USP9Y: variants seen among roughly 807,000 people sequenced by gnomAD.
USP9Y encodes ubiquitin carboxyl-terminal hydrolase 9Y.
Under a neutral mutation model 53.1 loss-of-function variants are expected in USP9Y, and 41 were observed. The observed-to-expected ratio is 0.77, with a 90% confidence interval of 0.60 to 1.00. The LOEUF (loss-of-function observed/expected upper bound fraction) is 1.00, where lower values mean the gene tolerates loss of function less well. Ranked by LOEUF, USP9Y falls within the 50% of genes least tolerant of loss-of-function variation. The pLI is 0.00. For synonymous variants in USP9Y, 220 were observed against 173.7 expected (o/e 1.27, Z -2.09); for missense variants, 567 against 535.8 (o/e 1.06, Z -0.58).
In USP9Y at chrY:12,847,312, C is replaced by G. The variant is rs756992167; in HGVS notation, c.7049C>G (p.Ser2350Cys). The G allele has an allele frequency of 2.6e-6, 1 of 386,005 alleles. No homozygotes were observed. Among genetic ancestry groups the G allele is most frequent in the Non-Finnish European group, 3.7e-6 (1 of 273,825 alleles). The part of the protein sequence containing the change: ...LLFQILLIED[S>C]WQTHRIHNAL... ...TTCCAAATTTTACTGATTGAGGACT[C>G]CTGGCAGACTCACAGGTGAATACCC... Residue 2350 changes from serine (S) to cysteine (C), a missense_variant, in exon 42 of 46, where the codon TCC becomes TGC. By Grantham distance (112) the Ser-to-Cys change is moderately radical (BLOSUM62 -1). Coordinates refer to ENST00000338981, the MANE Select transcript of USP9Y (RefSeq NM_004654.4).
intron 22 of USP9Y, among the ~76,000 whole-genome samples, chrY:12,784,744 A>C: frequency 3.0e-5 from 1 of 33,572 alleles, no homozygotes; most frequent in South Asian, 6.5e-4. Flanking sequence ...CTGCTGTATC[A>C]TTCTTTCCTC....
intron 19 of USP9Y, among the ~76,000 whole-genome samples, 180 bp from the exon 20 acceptor site, chrY:12,777,838 AC>A (rs2053494047): frequency 6.0e-5 from 2 of 33,169 alleles, no homozygotes; most frequent in Non-Finnish European, 1.5e-4. Flanking sequence ...ATGTTTGTTC[AC>A]TGTTTAAAAG....
intron 44 of USP9Y, 81 bp from the exon 45 acceptor site, chrY:12,857,485 T>C: frequency 3.9e-6 from 1 of 256,214 alleles, no homozygotes; most frequent in East Asian, 1.1e-4. Flanking sequence ...TAAAAGTTTA[T>C]TCTAAATGAA....
At chrY:12,787,847 A>C in intron 24 of USP9Y, among the ~76,000 whole-genome samples, 3 of 33,386 alleles carry the variant, frequency 9.0e-5, no homozygotes, top group Admixed American at 8.2e-4. Context: ...AGTTTACTGA[A>C]ATACAAACAA....
intron 24 of USP9Y, among the ~76,000 whole-genome samples, chrY:12,787,268 T>G (rs552105397): frequency 3.0e-3 from 104 of 34,190 alleles, no homozygotes; most frequent in African/African-American, 0.011. Flanking sequence ...ATGCAAAAGA[T>G]GAATTCAGTT....
Position 12,760,526 on chromosome Y carries a change from A to G in USP9Y, c.1809A>G (p.Leu603=). The G allele has an allele frequency of 2.5e-6, 1 of 398,377 alleles. No homozygotes were observed. ...CCCACATATTTTATCGCCATGATTT[A>G]ATCAACCAGCTTCAACAAAATCATG... ...RSPHIFYRHD[L]INQLQQNHAL... is the part of the protein sequence containing the mutation. The change falls in exon 15 of 46, where the codon TTA becomes TTG. Residue 603 remains leucine (L), a synonymous_variant. Transcript: ENST00000338981.
intron 1 of USP9Y, among the ~76,000 whole-genome samples, chrY:12,708,013 C>A (rs2053421029): frequency 3.0e-5 from 1 of 33,236 alleles, no homozygotes; most frequent in African/African-American, 1.2e-4. Context: ...GCTGGGATTA[C>A]AGGCGTGAGC....
At chrY:12,771,268 G>C in intron 16 of USP9Y, 113 bp downstream of exon 16, 1 of 183,003 alleles carries the variant, frequency 5.5e-6, no homozygotes, top group Non-Finnish European at 1.0e-5. Context: ...CTGTCATTCA[G>C]GCTCAAGTGC....
chrY:12,842,305 T>G lies in USP9Y; in HGVS notation c.6278T>G (p.Val2093Gly). Residue 2093 changes from valine (V) to glycine (G), a missense_variant, in exon 38 of 46, where the codon GTC becomes GGC. Transcript: ENST00000338981. ...GTACGTTTTTGGTTTACTCATAATG[T>G]CCTTTTTAATGTATCAAATCGCTTC... ...KNVRFWFTHN[V>G]LFNVSNRFSE... 4 of 398,406 alleles carry G rather than the reference T, an allele frequency of 1.0e-5. No individual in the cohort carries two copies. Among genetic ancestry groups the G allele is most frequent in the Non-Finnish European group, 1.4e-5 (4 of 283,374 alleles).
At chrY:12,827,764 A>G (rs2053547595) in intron 33 of USP9Y, among the ~76,000 whole-genome samples, 2 of 32,527 alleles carry the variant, frequency 6.1e-5, no homozygotes, top group African/African-American at 2.4e-4. Context: ...GGAGTTTGAG[A>G]CCAACCTGGC....
intron 33 of USP9Y, among the ~76,000 whole-genome samples, chrY:12,818,932 C>A (rs2053538662): frequency 6.0e-5 from 2 of 33,535 alleles, no homozygotes; most frequent in African/African-American, 2.3e-4. Context: ...GTAATCCCAG[C>A]CCTTTTGGAG....
intron 44 of USP9Y, chrY:12,857,114 G>T (rs768700840): frequency 8.2e-4 from 76 of 93,168 alleles, no homozygotes; most frequent in Non-Finnish European, 1.3e-3. Flanking sequence ...GTTTGCTTTT[G>T]CTTTTTCTTT....
At chrY:12,820,793 A>G (rs1022540392) in intron 33 of USP9Y, among the ~76,000 whole-genome samples, 1 of 33,677 alleles carries the variant, frequency 3.0e-5, no homozygotes, top group Admixed American at 2.8e-4. Context: ...ATAATTATAT[A>G]CATTATAGAG....
chrY:12,804,247 C>T, intron 27 of USP9Y, among the ~76,000 whole-genome samples: 7 of 33,600 alleles, frequency 2.1e-4, no homozygotes, highest in Non-Finnish European at 7.3e-5. Flanking sequence ...CAGTAGCATA[C>T]AAAAGCCCCA....
intron 35 of USP9Y, among the ~76,000 whole-genome samples, chrY:12,839,647 A>G: frequency 3.1e-5 from 1 of 32,476 alleles, no homozygotes; most frequent in Admixed American, 2.9e-4. Context: ...CCCTACAGAT[A>G]CCAAAGGATG....
intron 33 of USP9Y, among the ~76,000 whole-genome samples, chrY:12,828,504 A>T: frequency 3.0e-5 from 1 of 33,735 alleles, no homozygotes. Context: ...CCTGATAAAC[A>T]TCAGCACAAC....
intron 4 of USP9Y, 108 bp downstream of exon 4, chrY:12,720,845 G>T: frequency 4.2e-6 from 1 of 239,889 alleles, no homozygotes; most frequent in Middle Eastern, 9.8e-4. Context: ...AGAGTAGATT[G>T]TAGTGTCTCA....
chrY:12,765,857 T>A, intron 15 of USP9Y, among the ~76,000 whole-genome samples: 1 of 33,833 alleles, frequency 3.0e-5, no homozygotes, highest in African/African-American at 1.2e-4. Context: ...TCTTTAGTGA[T>A]CAGAATCCTC....
chrY:12,769,311 C>T (rs2053483329), intron 15 of USP9Y, among the ~76,000 whole-genome samples: 1 of 33,752 alleles, frequency 3.0e-5, no homozygotes, highest in Admixed American at 2.7e-4. Flanking sequence ...TAAAAAGCCA[C>T]GAGTCAAAAT....
Sources: allele counts gnomAD v4.1 joint callset (sites outside exome capture counted in the v4.1 genomes callset), GRCh38; gene constraint gnomAD v4.1.1; transcripts MANE v1.5; gene names NCBI Gene and HGNC (gene_info 2026-07-23, HGNC 2026-07-21).